The following GLS variants were observed in gnomAD, a reference collection of about 807,000 sequenced individuals.
The protein encoded by GLS is glutaminase kidney isoform, mitochondrial.
A neutral mutation model predicts 86.7 loss-of-function variants in GLS; 36 were observed. That is an observed-to-expected ratio of 0.42 (90% CI 0.32 to 0.55). The LOEUF (loss-of-function observed/expected upper bound fraction) is 0.55. Among genes scored for constraint, GLS ranks in the 20% least tolerant of loss-of-function variants. The pLI, the probability that GLS is intolerant of heterozygous loss-of-function variation, is 0.17. For synonymous variants in GLS, 317 were observed against 305.9 expected (o/e 1.04, Z -0.38); for missense variants, 528 against 833.4 (o/e 0.63, Z 4.51).
Position 190,887,073 on chromosome 2 carries a change from G to A in GLS, c.386+5603G>A, listed in dbSNP as rs1688408028. On this transcript the variant is annotated intron_variant, in intron 1 of 17. Transcript: ENST00000320717. ...CATGTTAAATCCTATATAAATTAAG[G>A]TTATATTTTATAGTTGCCTGTCTGT... 2.0e-5 allele frequency among the ~76,000 whole-genome samples: 3 copies of A among 152,116 alleles called. No individual in the cohort carries two copies. The South Asian group carries it at 6.2e-4, about 31-fold the overall frequency.
intron 1 of GLS, among the ~76,000 whole-genome samples, chr2:190,889,898 G>T (rs1360596019): frequency 1.3e-5 from 2 of 152,104 alleles, no homozygotes; most frequent in Non-Finnish European, 2.9e-5. Flanking sequence ...TCTTTGCTTT[G>T]ACAGGATGCA....
At position 190,955,138 on chromosome 2, in the gene GLS, T is replaced by A. The variant is rs558086638; in HGVS notation, c.1853+320T>A. On this transcript the variant is annotated intron_variant, in intron 17 of 17. Coordinates refer to ENST00000320717, the MANE Select transcript of GLS (RefSeq NM_014905.5). This position sits in a 1 kb window ranked among gnomAD's most constrained non-coding sequence, Gnocchi z 5.6. ...TCCTCATGGATTTTAAAAAAAAAAT[T>A]TTTAAATTACACTTTAAGTTCTGGG... is the stretch of plus-strand genomic sequence containing the variant. Among the ~76,000 whole-genome samples, 1 of 152,282 alleles carries A rather than the reference T, an allele frequency of 6.6e-6. No homozygotes were observed. The highest frequency in any genetic ancestry group is 2.4e-5 in the African/African-American group (1 of 41,554).
At chr2:190,886,856 C>A (rs1688398500) in intron 1 of GLS, among the ~76,000 whole-genome samples, 1 of 149,106 alleles carries the variant, frequency 6.7e-6, no homozygotes, top group Non-Finnish European at 1.5e-5. Context: ...GTGGAGGTTG[C>A]AGTGAGCCGA....
Position 190,905,136 on chromosome 2 carries a change from A to G in GLS, c.948A>G (p.Leu316=). The G allele has an allele frequency of 6.2e-7, 1 of 1,601,466 alleles. No individual in the cohort carries two copies. Among genetic ancestry groups the G allele is most frequent in the East Asian group, 2.2e-5 (1 of 44,778 alleles). The stretch of plus-strand genomic sequence containing the variant: ...ATGTTGGAAAAGAGCCGAGTGGACT[A>G]AGATTCAACAAACTATTTTTGAATG... ...HRYVGKEPSG[L]RFNKLFLNED... is the part of the protein sequence containing the mutation. The change falls in exon 6 of 18, where the codon CTA becomes CTG. Residue 316 remains leucine, a synonymous_variant. Coordinates refer to ENST00000320717, the MANE Select transcript of GLS (RefSeq NM_014905.5). This position sits in a 1 kb window ranked among gnomAD's most constrained non-coding sequence, Gnocchi z 4.6.
chr2:190,889,588 C>T (rs913967870), intron 1 of GLS, among the ~76,000 whole-genome samples: 6 of 152,082 alleles, frequency 3.9e-5, no homozygotes, highest in Non-Finnish European at 7.4e-5. Flanking sequence ...TCCATCTAGA[C>T]TGATATATTA....
chr2:190,902,371 A>C (rs1688975654), intron 5 of GLS, among the ~76,000 whole-genome samples: 1 of 152,192 alleles, frequency 6.6e-6, no homozygotes, highest in Non-Finnish European at 1.5e-5. Context: ...CTATTTCTCA[A>C]CTTAACATTG....
In GLS at chr2:190,953,551, T is replaced by C. The variant is rs565759780; in HGVS notation, c.1651-14T>C. ...CTCTCTCCTAAGGATGCCTAAACTT[T>C]CTTTTCTTCACAGGTAAAGTCAGTG... is the stretch of plus-strand genomic sequence containing the variant. On this transcript the variant is annotated splice_polypyrimidine_tract_variant and intron_variant, in intron 14 of 17. Coordinates refer to ENST00000320717, the MANE Select transcript of GLS (RefSeq NM_014905.5). The surrounding 1 kb of genome is among the most constrained non-coding windows in gnomAD (Gnocchi z 4.0). The C allele has an allele frequency of 8.8e-6, 14 of 1,592,006 alleles. No individual in the cohort carries two copies. The highest frequency in any genetic ancestry group is 1.2e-5 in the Non-Finnish European group (14 of 1,160,160).
chr2:190,934,284 G>A (rs1690199941), intron 14 of GLS: 1 of 960,294 alleles, frequency 1.0e-6, no homozygotes, highest in Admixed American at 6.2e-5. Flanking sequence ...AATAAAGATA[G>A]AAAATCTTGA....
chr2:190,915,238 G>C (rs1211580447), intron 7 of GLS, among the ~76,000 whole-genome samples: 1 of 150,178 alleles, frequency 6.7e-6, no homozygotes, highest in East Asian at 2.0e-4. Context: ...CTGACCTCAT[G>C]ATCTGCCTCC....
rs941770488 is a variant in GLS at position 190,938,467 on chromosome 2, T to C, written c.1650+6830T>C. On this transcript the variant is annotated intron_variant, in intron 14 of 17. Transcript: ENST00000320717. The surrounding 1 kb of genome is among the most constrained non-coding windows in gnomAD (Gnocchi z 4.1). Reference sequence around the variant, plus strand: ...TGTTTTTAAAACATAGTCCAACCTTTCTAGAATTTTGATGTACTTTTATTT... The same window carrying C: ...TGTTTTTAAAACATAGTCCAACCTTCCTAGAATTTTGATGTACTTTTATTT... Among the ~76,000 whole-genome samples, 4 of 151,666 alleles carry C rather than the reference T, an allele frequency of 2.6e-5. No homozygotes were observed. Among genetic ancestry groups the C allele is most frequent in the Admixed American group, 1.3e-4 (2 of 15,222 alleles).
intron 7 of GLS, among the ~76,000 whole-genome samples, chr2:190,917,840 G>C (rs1689591156): frequency 6.6e-6 from 1 of 151,804 alleles, no homozygotes; most frequent in African/African-American, 2.4e-5. Flanking sequence ...TGTAATCTCA[G>C]CACTTTGGGA....
In GLS at chr2:190,938,502, T is replaced by C. The variant is rs1189992341; in HGVS notation, c.1650+6865T>C. On this transcript the variant is annotated intron_variant, in intron 14 of 17. Transcript: ENST00000320717. This position sits in a 1 kb window ranked among gnomAD's most constrained non-coding sequence, Gnocchi z 4.1. ...TGATGTACTTTTATTTACCATAATC[T>C]TATATATTTTTTAGAATCACAGATT... Among the ~76,000 whole-genome samples, 2 of 151,616 alleles carry C rather than the reference T, an allele frequency of 1.3e-5. No individual in the cohort carries two copies. The highest frequency in any genetic ancestry group is 1.3e-4 in the Admixed American group (2 of 15,218).
chr2:190,904,804 G>C (rs1041360637), intron 5 of GLS, among the ~76,000 whole-genome samples, 200 bp from the exon 6 acceptor site: 1 of 152,136 alleles, frequency 6.6e-6, no homozygotes, highest in South Asian at 2.1e-4. Context: ...TGGTATCACA[G>C]GGATTCCTGG....
rs1690714794 is a variant in GLS at position 190,951,321 on chromosome 2, G to A, written c.1651-2244G>A. On this transcript the variant is annotated intron_variant, in intron 14 of 17. Coordinates refer to ENST00000320717, the MANE Select transcript of GLS (RefSeq NM_014905.5). The surrounding 1 kb of genome is among the most constrained non-coding windows in gnomAD (Gnocchi z 4.2). ...GAGCGCTGTTTAGAGGTAACAATGA[G>A]TGTGAAGGTAATTTTCAGGGAATTA... Among the ~76,000 whole-genome samples, 1 of 152,132 alleles carries A rather than the reference G, an allele frequency of 6.6e-6. No individual in the cohort carries two copies. The highest frequency in any genetic ancestry group is 1.5e-5 in the Non-Finnish European group (1 of 68,032).
chr2:190,914,445 A>G lies in GLS; in HGVS notation c.1038+4124A>G, dbSNP rs1287145535. ...TTTATGCTTTAGTTTTTTTTTTTTA[A>G]TGAAAGGTAGAGCATTTATTGTCAA... is the stretch of plus-strand genomic sequence containing the variant. On this transcript the variant is annotated intron_variant, in intron 7 of 17. Transcript: ENST00000320717. This position sits in a 1 kb window ranked among gnomAD's most constrained non-coding sequence, Gnocchi z 4.4. Among the ~76,000 whole-genome samples the G allele has an allele frequency of 6.6e-6, 1 of 150,488 alleles. No individual in the cohort carries two copies. The highest frequency in any genetic ancestry group is 1.5e-5 in the Non-Finnish European group (1 of 67,666).
At chr2:190,961,293 G>A (rs1172491254) in intron 17 of GLS, among the ~76,000 whole-genome samples, 1 of 152,156 alleles carries the variant, frequency 6.6e-6, no homozygotes, top group Non-Finnish European at 1.5e-5. Context: ...TGCCTCCCAG[G>A]TTCAGGCAAT....
Position 190,895,479 on chromosome 2 carries a change from A to T in GLS, c.484-125A>T. The T allele has an allele frequency of 1.5e-6, 1 of 649,378 alleles. No homozygotes were observed. The highest frequency in any genetic ancestry group is 2.6e-6 in the Non-Finnish European group (1 of 385,610). The allele number at this position is 649,378 out of a possible 1,614,324, so 40.2% of individuals were successfully genotyped here. On this transcript the variant is annotated intron_variant, in intron 2 of 17. Transcript: ENST00000320717. The surrounding 1 kb of genome is among the most constrained non-coding windows in gnomAD (Gnocchi z 4.2). ...GAAAGTGGGTAATAGTGACACTAAG[A>T]TGCCATATTCATGTTCAAGTGTTGG...
chr2:190,896,372 A>G (rs1200893156), intron 3 of GLS: 1 of 152,198 alleles, frequency 6.6e-6, no homozygotes, highest in African/African-American at 2.4e-5. Context: ...TTACTTAAAG[A>G]TTTAATGGAC....
In GLS at chr2:190,901,986, G is replaced by A; in HGVS notation, c.775G>A (p.Asp259Asn). 6 of 1,612,044 alleles carry A rather than the reference G, an allele frequency of 3.7e-6. No individual in the cohort carries two copies. The highest frequency in any genetic ancestry group is 5.1e-6 in the Non-Finnish European group (6 of 1,178,294). ...YIPQLAKFSP[D>N]LWGVSVCTVD... ...TCCTCAACTGGCCAAATTCAGTCCC[G>A]ATTTGTGGGGTGTGTCTGTTTGTAC... Residue 259 changes from aspartate (D) to asparagine (N), a missense_variant, in exon 5 of 18, where the codon GAT becomes AAT. Asp to Asn is a conservative substitution (Grantham distance 23). Coordinates refer to ENST00000320717, the MANE Select transcript of GLS (RefSeq NM_014905.5).
Sources: gnomAD v4.1 joint callset for allele counts (sites outside exome capture counted in the v4.1 genomes callset) on GRCh38, gnomAD v4.1.1 for gene constraint, Gnocchi (gnomAD v3.1) non-coding constraint, MANE v1.5 for transcripts, NCBI Gene and HGNC (gene_info 2026-07-23, HGNC 2026-07-21) for gene names.